The following HYDIN variants were observed in gnomAD, a reference collection of about 807,000 sequenced individuals.
HYDIN encodes the protein HYDIN axonemal central pair apparatus protein, also known as axonemal central pair apparatus protein HYDIN.
HYDIN carries 132 observed loss-of-function variants against 403.9 expected under a neutral mutation model. The ratio of observed to expected loss-of-function variants is 0.33; its 90% confidence interval spans 0.28 to 0.38. The LOEUF (loss-of-function observed/expected upper bound fraction) is 0.38, where lower values mean the gene tolerates loss of function less well. Among genes scored for constraint, HYDIN ranks in the 10% least tolerant of loss-of-function variants. HYDIN has a pLI of 1.00. For synonymous variants in HYDIN, 1,202 were observed against 1,891.7 expected (o/e 0.64, Z 9.46); for missense variants, 2,827 against 5,009.5 (o/e 0.56, Z 13.15).
At chr16:71,170,922 G>A (rs1452482938) in intron 5 of HYDIN, among the ~76,000 whole-genome samples, 1 of 152,178 alleles carries the variant, frequency 6.6e-6, no homozygotes, top group Non-Finnish European at 1.5e-5. Flanking sequence ...GGTGGGTGAT[G>A]ACAGCAGAAA....
chr16:70,811,067 T>C (rs973666448), intron 84 of HYDIN, among the ~76,000 whole-genome samples: 17 of 152,194 alleles, frequency 1.1e-4, no homozygotes, highest in African/African-American at 3.4e-4. Context: ...TTCAATTTCA[T>C]ATACTTTTAT....
At chr16:70,834,857 C>T (rs2037265198) in intron 78 of HYDIN, among the ~76,000 whole-genome samples, 1 of 143,462 alleles carries the variant, frequency 7.0e-6, no homozygotes, top group Non-Finnish European at 1.5e-5. Flanking sequence ...CAAAAAAAAC[C>T]AAACAAACAT....
chr16:71,017,267 T>C (rs1310443580), intron 23 of HYDIN, among the ~76,000 whole-genome samples: 1 of 150,540 alleles, frequency 6.6e-6, no homozygotes, highest in Non-Finnish European at 1.5e-5. Flanking sequence ...GGGGAATCGC[T>C]TGAACCTGGG....
intron 36 of HYDIN, among the ~76,000 whole-genome samples, chr16:70,965,461 G>A (rs2078544351): frequency 6.6e-6 from 1 of 151,536 alleles, no homozygotes; most frequent in African/African-American, 2.4e-5. Context: ...GTATAAATAT[G>A]TCCAGTGTAA....
intron 1 of HYDIN, among the ~76,000 whole-genome samples, chr16:71,199,691 C>T (rs1239807165): frequency 6.6e-6 from 1 of 152,204 alleles, no homozygotes; most frequent in African/African-American, 2.4e-5. Context: ...CTACCATTAT[C>T]AGAAGCAGAA....
chr16:71,025,476 C>T lies in HYDIN; in HGVS notation c.3093G>A (p.Gly1031=). Residue 1031 remains glycine, a synonymous_variant, in exon 21 of 86, where the codon GGG becomes GGA. Transcript: ENST00000393567. The part of the protein sequence containing the change: ...VCHAIIGAQK[G]KSLVMAVNIT... ...TGTTCACAGCCATCACCAAGCTCTT[C>T]CCCTTCTGTGCCCCGATGATGGCGT... is the stretch of plus-strand genomic sequence containing the variant. The T allele has an allele frequency of 2.9e-6, 1 of 341,756 alleles. No homozygotes were observed. Among genetic ancestry groups the T allele is most frequent in the Admixed American group, 6.7e-5 (1 of 14,860 alleles). The allele number at this position is 341,756 out of a possible 1,614,324, so 21.2% of individuals were successfully genotyped here. A position where few individuals can be genotyped will look rare whatever the true frequency, so the allele number is the denominator to read the frequency against.
chr16:70,948,010 G>C (rs1340810745), intron 41 of HYDIN, among the ~76,000 whole-genome samples: 1 of 151,886 alleles, frequency 6.6e-6, no homozygotes, highest in Admixed American at 6.6e-5. Context: ...GCAATCCTAA[G>C]CCAAAAGAAC....
chr16:71,178,434 A>ATATAT (rs56194693), intron 4 of HYDIN, among the ~76,000 whole-genome samples: 8 of 94,572 alleles, frequency 8.5e-5, no homozygotes, highest in Non-Finnish European at 1.2e-4. Flanking sequence ...AAAAAAAAAA[A>ATATAT]ATATATATAT....
intron 47 of HYDIN, among the ~76,000 whole-genome samples, chr16:70,914,826 C>A (rs2076790633): frequency 1.1e-5 from 1 of 94,982 alleles, no homozygotes; most frequent in African/African-American, 3.7e-5. Flanking sequence ...AGGCTTTGTT[C>A]ATGTTTTCTT....
At chr16:70,931,252 G>T in intron 45 of HYDIN, among the ~76,000 whole-genome samples, 2 of 102,600 alleles carry the variant, frequency 1.9e-5, no homozygotes, top group Non-Finnish European at 3.6e-5. Context: ...GGGTCTTGCT[G>T]TGTTGTCCAG....
At chr16:70,849,104 TC>T (rs1372438456) in intron 75 of HYDIN, among the ~76,000 whole-genome samples, 5 of 152,040 alleles carry the variant, frequency 3.3e-5, no homozygotes, top group Non-Finnish European at 7.4e-5. Context: ...CTGTTCTACC[TC>T]CTCCAGGGTC....
intron 19 of HYDIN, chr16:71,031,433 T>C: frequency 7.5e-7 from 1 of 1,328,990 alleles, no homozygotes; most frequent in Non-Finnish European, 9.6e-7. Context: ...AGAATGCATT[T>C]CCTACAAACC....
intron 60 of HYDIN, among the ~76,000 whole-genome samples, chr16:70,881,566 C>A (rs1423505541): frequency 1.4e-5 from 2 of 146,428 alleles, no homozygotes; most frequent in Non-Finnish European, 3.0e-5. Flanking sequence ...TGAGATTGCG[C>A]CACTGCACTC....
At chr16:71,040,250 A>C (rs1200549688) in intron 18 of HYDIN, among the ~76,000 whole-genome samples, 1 of 151,446 alleles carries the variant, frequency 6.6e-6, no homozygotes, top group African/African-American at 2.4e-5. Context: ...CCCTCCAGCA[A>C]GGTGTTGAGA....
chr16:70,892,607 T>C, intron 55 of HYDIN, 78 bp from the exon 56 acceptor site: 1 of 1,509,914 alleles, frequency 6.6e-7, no homozygotes, highest in Non-Finnish European at 8.8e-7. Context: ...CTCTAGATGG[T>C]TGAGTGCCTG....
At chr16:71,157,651 T>G (rs947970432) in intron 6 of HYDIN, among the ~76,000 whole-genome samples, 30 of 152,290 alleles carry the variant, frequency 2.0e-4, no homozygotes, top group Non-Finnish European at 2.6e-4. Flanking sequence ...TCAATGATAG[T>G]TGAAAAACAT....
chr16:70,883,904 T>C lies in HYDIN; in HGVS notation c.9979+16A>G, dbSNP rs751886113. 6.2e-7 allele frequency: 1 copy of C among 1,611,448 alleles called. No individual in the cohort carries two copies. Among genetic ancestry groups the C allele is most frequent in the Admixed American group, 1.7e-5 (1 of 59,922 alleles). ...ACACCTTTTAAGTGGTGCTGTCCAA[T>C]GTGAGTGGTCAGTACCTGGTAGACA... On this transcript the variant is annotated intron_variant, in intron 59 of 85. Coordinates refer to ENST00000393567, the MANE Select transcript of HYDIN (RefSeq NM_001270974.2).
rs201462934 is a variant in HYDIN, at chr16:70,807,840, A to G, written c.15106T>C (p.Tyr5036His). The G allele has an allele frequency of 1.1e-4, 173 of 1,614,148 alleles. No homozygotes were observed. In the African/African-American group the frequency reaches 1.9e-3, roughly 18 times the overall value. Residue 5036 changes from tyrosine to histidine, a missense_variant, in exon 86 of 86, where the codon TAC becomes CAC. Coordinates refer to ENST00000393567, the MANE Select transcript of HYDIN (RefSeq NM_001270974.2). ...PQGPFSIRAG[Y>H]SIIIPFKNVF... ...TTCTTGAAGGGGATGATTATGCTGT[A>G]CCCGGCTCGGATCGAGAAGGGACCT...
intron 57 of HYDIN, among the ~76,000 whole-genome samples, chr16:70,891,219 C>T (rs2041447430): frequency 6.6e-6 from 1 of 152,114 alleles, no homozygotes; most frequent in African/African-American, 2.4e-5. Flanking sequence ...GACAGAGTCT[C>T]GTTCTGTCGC....
Sources: gnomAD v4.1 joint callset for allele counts (sites outside exome capture counted in the v4.1 genomes callset) on GRCh38, gnomAD v4.1.1 for gene constraint, MANE v1.5 for transcripts, NCBI Gene and HGNC (gene_info 2026-07-23, HGNC 2026-07-21) for gene names.